Variants in PARP14 observed in about 807,000 individuals in gnomAD.
PARP14 encodes the protein poly(ADP-ribose) polymerase family member 14.
In PARP14, 59 loss-of-function variants were observed where a neutral mutation model predicts 154.2. The ratio of observed to expected loss-of-function variants is 0.38; its 90% CI spans 0.31 to 0.48. The LOEUF is 0.48. Ranked by LOEUF, PARP14 falls within the 20% of genes least tolerant of loss-of-function variation. The pLI, the probability that PARP14 is intolerant of heterozygous loss-of-function variation, is 0.98. For missense variants in PARP14, 1,734 were observed against 2,131.6 expected (o/e 0.81, Z 3.67); for synonymous variants, 720 against 780.5 (o/e 0.92, Z 1.29).
At chr3:122,711,319 G>A (rs543122895) in intron 9 of PARP14, among the ~76,000 whole-genome samples, 1 of 152,200 alleles carries the variant, frequency 6.6e-6, no homozygotes, top group South Asian at 2.1e-4. Context: ...TTTATCAGAT[G>A]CTTTTTCTGC....
Position 122,701,827 on chromosome 3 carries a change from G to A in PARP14, c.3081+192G>A, listed in dbSNP as rs930217709. 6.6e-6 allele frequency among the ~76,000 whole-genome samples: 1 copy of A among 152,188 alleles called. No individual in the cohort carries two copies. Among genetic ancestry groups the A allele is most frequent in the Non-Finnish European group, 1.5e-5 (1 of 68,032 alleles). ...TCTTACCAAATCATTTACTAATAGAGATCGGCCAATTATTTGTGAGAACTG... is the reference window on the plus strand; with the variant it reads ...TCTTACCAAATCATTTACTAATAGAAATCGGCCAATTATTTGTGAGAACTG... On this transcript the variant is annotated intron_variant, in intron 6 of 16. Coordinates refer to ENST00000474629, the MANE Select transcript of PARP14 (RefSeq NM_017554.3). The surrounding 1 kb of genome is among the most constrained non-coding windows in gnomAD (Gnocchi z 4.0).
At chr3:122,719,530 G>A (rs1933106604) in intron 14 of PARP14, among the ~76,000 whole-genome samples, 1 of 152,180 alleles carries the variant, frequency 6.6e-6, no homozygotes, top group African/African-American at 2.4e-5. Flanking sequence ...AAGAAGGGAA[G>A]CCCTGTCTTG....
rs375767532 is a variant in PARP14, at chr3:122,718,091, G to C, written c.4021G>C (p.Asp1341His). The change falls in exon 13 of 17, where the codon GAT becomes CAT. Residue 1341 changes from aspartate (D) to histidine (H), a missense_variant. Coordinates refer to ENST00000474629, the MANE Select transcript of PARP14 (RefSeq NM_017554.3). ...TCCAGGAAATGCCAAACAACACCCA[G>C]ATAAGGTTGCTGAAGCCATAATTGA... ...IGTGNAKQHPDKVAEAIIDAI... is the reference protein window; with the variant it reads ...IGTGNAKQHPHKVAEAIIDAI... The C allele has an allele frequency of 1.2e-6, 2 of 1,613,678 alleles. No individual in the cohort carries two copies. The highest frequency in any genetic ancestry group is 2.7e-5 in the African/African-American group (2 of 74,884).
rs1933362963 is a variant in PARP14, at chr3:122,729,323, G to A, written c.*726G>A. ...TACTTGCGCTCTGCACGGTCCAGGA[G>A]CTGTGATGTGGCTGTGGTCTAGGGG... is the stretch of plus-strand genomic sequence containing the variant. On this transcript the variant is annotated 3_prime_UTR_variant, in exon 17 of 17. Coordinates refer to ENST00000474629, the MANE Select transcript of PARP14 (RefSeq NM_017554.3). 6.6e-6 allele frequency: 1 copy of A among 152,658 alleles called. No homozygotes were observed. The highest frequency in any genetic ancestry group is 2.4e-5 in the African/African-American group (1 of 41,438). The allele number at this position is 152,658 out of a possible 1,614,324, so 9.5% of individuals were successfully genotyped here.
intron 9 of PARP14, among the ~76,000 whole-genome samples, chr3:122,710,448 T>G (rs929886779): frequency 6.6e-6 from 1 of 152,234 alleles, no homozygotes; most frequent in African/African-American, 2.4e-5. Context: ...CTTGCTGTTT[T>G]GGTAACTATA....
At chr3:122,691,273 C>G (rs150666465) in intron 3 of PARP14, among the ~76,000 whole-genome samples, 1 of 152,224 alleles carries the variant, frequency 6.6e-6, no homozygotes, top group South Asian at 2.1e-4. Flanking sequence ...GTCTTGAACA[C>G]GATAAGAGTC....
Position 122,727,817 on chromosome 3 carries a change from GAGGATCC to G in PARP14, c.4950_4956del (p.Asn1653IlefsTer21). ...TATCCTTTATTAATTTGCAGATTGA[GAGGATCC>G]AGAATCCAGATCTCTGGAATAGCTA... is the stretch of plus-strand genomic sequence containing the variant. On this transcript the variant is annotated frameshift_variant, in exon 16 of 17. Coordinates refer to ENST00000474629, the MANE Select transcript of PARP14 (RefSeq NM_017554.3). LOFTEE classifies it high-confidence loss of function. 2 of 1,600,236 alleles carry G rather than the reference GAGGATCC, an allele frequency of 1.2e-6. No homozygotes were observed. The highest frequency in any genetic ancestry group is 1.7e-6 in the Non-Finnish European group (2 of 1,172,716).
intron 1 of PARP14, 119 bp from the exon 2 acceptor site, chr3:122,685,066 T>C (rs973587893): frequency 4.7e-6 from 5 of 1,074,302 alleles, no homozygotes; most frequent in Middle Eastern, 4.1e-4. Flanking sequence ...ATATAGCCTC[T>C]CTTGAGAAAC....
intron 16 of PARP14, 93 bp from the exon 17 acceptor site, chr3:122,728,215 A>C: frequency 2.5e-6 from 3 of 1,198,178 alleles, no homozygotes; most frequent in Non-Finnish European, 3.5e-6. Context: ...ATTTTAAGAG[A>C]GGCTTTAGAA....
chr3:122,687,502 CT>C (rs1447928616), intron 3 of PARP14, among the ~76,000 whole-genome samples: 1 of 152,212 alleles, frequency 6.6e-6, no homozygotes. Flanking sequence ...TTCCTGAGCA[CT>C]GGGTGTGAGG....
At chr3:122,682,837 G>A (rs888634581) in intron 1 of PARP14, among the ~76,000 whole-genome samples, 6 of 152,150 alleles carry the variant, frequency 3.9e-5, no homozygotes, top group Non-Finnish European at 8.8e-5. Flanking sequence ...TGGATGACGA[G>A]TTGAGGAGAT....
rs1214521599 is a variant in PARP14 at position 122,701,222 on chromosome 3, G to A, written c.2668G>A (p.Ala890Thr). The change falls in exon 6 of 17, where the codon GCC becomes ACC. Residue 890 changes from alanine (A) to threonine (T), a missense_variant. Ala to Thr is a moderately conservative substitution (Grantham distance 58, BLOSUM62 0). Transcript: ENST00000474629. This position sits in a 1 kb window ranked among gnomAD's most constrained non-coding sequence, Gnocchi z 4.0. ...GGGGCCCCGCTGGAGCGGATATGAG[G>A]CCCCGAGGTGTGTGTACCTATTAAG... ...AVGPRWSGYE[A>T]PRCVYLLRRA... 4.3e-6 allele frequency: 7 copies of A among 1,613,340 alleles called. No homozygotes were observed. The East Asian group carries it at 1.3e-4, about 31-fold the overall frequency.
intron 2 of PARP14, among the ~76,000 whole-genome samples, chr3:122,685,710 A>T (rs1262253): frequency 0.17 from 25,687 of 151,996 alleles, 2,434 homozygotes; most frequent in African/African-American, 0.26. Flanking sequence ...GGGTTTCACC[A>T]TATTGGCCAG....
chr3:122,718,370 T>G lies in PARP14; in HGVS notation c.4219T>G (p.Phe1407Val), dbSNP rs1188900103. 4 of 1,611,580 alleles carry G rather than the reference T, an allele frequency of 2.5e-6. No homozygotes were observed. The highest frequency in any genetic ancestry group is 2.5e-6 in the Non-Finnish European group (3 of 1,179,060). ...VMSKLASFLG[F>V]SKQSPQKKNH... ...CCTTTTCTTTTTAGCATTTTTGGGC[T>G]TTTCAAAGCAATCTCCCCAAAAAAA... The change falls in exon 14 of 17, where the codon TTT becomes GTT. Residue 1407 changes from phenylalanine (F) to valine (V), a missense_variant. Physicochemically the swap from Phe to Val is conservative, Grantham distance 50. This residue lies in a region of PARP14 where 1,646 missense variants were observed against 1,976.0 expected (regional missense o/e 0.83). Transcript: ENST00000474629.
intron 1 of PARP14, among the ~76,000 whole-genome samples, chr3:122,684,187 A>G (rs2107634986): frequency 6.6e-6 from 1 of 152,346 alleles, no homozygotes; most frequent in Middle Eastern, 3.4e-3. Context: ...CAGCCATATC[A>G]GAACACAGCA....
rs1450868230 is a variant in PARP14 at position 122,718,444 on chromosome 3, G to A, written c.4293G>A (p.Val1431=). The A allele has an allele frequency of 6.2e-7, 1 of 1,613,910 alleles. No homozygotes were observed. The highest frequency in any genetic ancestry group is 8.5e-7 in the Non-Finnish European group (1 of 1,179,862). The change falls in exon 14 of 17, where the codon GTG becomes GTA. Residue 1431 remains valine (V), a synonymous_variant. Coordinates refer to ENST00000474629, the MANE Select transcript of PARP14 (RefSeq NM_017554.3). ...AAACAGAATCAGCAACTTTTCGGGT[G>A]TGTGGTGAAAATGTCACGTGTGTGG... The part of the protein sequence containing the change: ...EKKTESATFR[V]CGENVTCVEY...
Position 122,681,361 on chromosome 3 carries a change from T to C in PARP14, c.187+291T>C, listed in dbSNP as rs1938201470. Among the ~76,000 whole-genome samples, 1 of 152,234 alleles carries C rather than the reference T, an allele frequency of 6.6e-6. No individual in the cohort carries two copies. The highest frequency in any genetic ancestry group is 2.1e-4 in the South Asian group (1 of 4,836). ...CTCGATCGTTTTCTGTCTTTCCCTG[T>C]TGTGGTGGTGTTATTGTTTGTTGTT... On this transcript the variant is annotated intron_variant, in intron 1 of 16. Transcript: ENST00000474629. The surrounding 1 kb of genome is among the most constrained non-coding windows in gnomAD (Gnocchi z 5.5).
chr3:122,714,267 C>A lies in PARP14; in HGVS notation c.3838C>A (p.Gln1280Lys). 1 of 1,594,008 alleles carries A rather than the reference C, an allele frequency of 6.3e-7. No homozygotes were observed. Among genetic ancestry groups the A allele is most frequent in the Non-Finnish European group, 8.5e-7 (1 of 1,174,130 alleles). ...VERECSQQAQ[Q>K]RKNDYIITGG... ...TTTTTGTCTGTGTTTCCCAGCTCAG[C>A]AGCGCAAAAATGATTATATAATCAC... The change falls in exon 12 of 17, where the codon CAG becomes AAG. Residue 1280 changes from glutamine (Q) to lysine (K), a missense_variant. Around this residue, in one of 2 missense-constraint regions of PARP14, gnomAD observed 1,646 missense variants for 1,976.0 expected, o/e 0.83. Transcript: ENST00000474629.
intron 5 of PARP14, among the ~76,000 whole-genome samples, chr3:122,696,027 T>C (rs1308158694): frequency 6.6e-6 from 1 of 152,186 alleles, no homozygotes; most frequent in Non-Finnish European, 1.5e-5. Context: ...GGTAAAGAAA[T>C]ACTCAGCAAC....
Sources: gnomAD v4.1 joint callset for allele counts (sites outside exome capture counted in the v4.1 genomes callset) on GRCh38, gnomAD v4.1.1 for gene constraint, gnomAD v4.1.1 regional missense constraint, Gnocchi (gnomAD v3.1) non-coding constraint, MANE v1.5 for transcripts, NCBI Gene and HGNC (gene_info 2026-07-23, HGNC 2026-07-21) for gene names.